Variants in DHX40 observed in about 807,000 individuals in gnomAD.
DHX40 encodes the protein DEAH-box helicase 40, also known as probable ATP-dependent RNA helicase DHX40.
Under a neutral mutation model 89.6 loss-of-function variants are expected in DHX40, and 28 were observed. That is an observed-to-expected ratio of 0.31 (90% CI 0.23 to 0.43). The LOEUF (loss-of-function observed/expected upper bound fraction) is 0.43. Among genes scored for constraint, DHX40 ranks in the 20% least tolerant of loss-of-function variants. The pLI, the probability that DHX40 is intolerant of heterozygous loss-of-function variation, is 1.00. For missense variants in DHX40, 457 were observed against 844.0 expected (o/e 0.54, Z 5.68); for synonymous variants, 226 against 283.6 (o/e 0.80, Z 2.04).
Position 59,598,950 on chromosome 17 carries a change from T to A in DHX40, c.1697+99T>A. On this transcript the variant is annotated intron_variant, in intron 13 of 17. Transcript: ENST00000251241. The stretch of plus-strand genomic sequence containing the variant: ...TTGTGACACTAACGTTCAGTGAAGA[T>A]GATATTGACTTCAAGGTATTTTGAA... The A allele has an allele frequency of 4.8e-6, 3 of 625,054 alleles. No homozygotes were observed. The South Asian group carries it at 5.6e-5, about 12-fold the overall frequency. 38.7% of individuals were successfully genotyped at this position (625,054 alleles called of 1,614,324 possible).
chr17:59,565,666 AGGTCTATGTCCC>A lies in DHX40; in HGVS notation c.-2_10del. On this transcript the variant is annotated start_lost and 5_prime_UTR_variant, in exon 1 of 18. Coordinates refer to ENST00000251241, the MANE Select transcript of DHX40 (RefSeq NM_024612.5). ...GACGTGCTCGCCTCCACTCGGGGCCAGGTCTATGTCCCGGTTTCCCGCAGTCGCGGGCAGGGC... is the reference window on the plus strand; with the variant it reads ...GACGTGCTCGCCTCCACTCGGGGCCAGGTTTCCCGCAGTCGCGGGCAGGGC... The A allele has an allele frequency of 6.3e-7, 1 of 1,599,024 alleles. No homozygotes were observed. Among genetic ancestry groups the A allele is most frequent in the Non-Finnish European group, 8.5e-7 (1 of 1,178,648 alleles).
chr17:59,607,547 A>C lies in DHX40; in HGVS notation c.*375A>C. 2.1e-6 allele frequency: 1 copy of C among 467,202 alleles called. No homozygotes were observed. The highest frequency in any genetic ancestry group is 3.8e-6 in the Non-Finnish European group (1 of 262,602). 28.9% of individuals were successfully genotyped at this position (467,202 alleles called of 1,614,324 possible). ...ACTCCATTTGCATTGAAGCATTAAA[A>C]ATTATTTTTCTTAAAATCTCTTTAA... On this transcript the variant is annotated 3_prime_UTR_variant, in exon 18 of 18. Coordinates refer to ENST00000251241, the MANE Select transcript of DHX40 (RefSeq NM_024612.5).
intron 12 of DHX40, among the ~76,000 whole-genome samples, chr17:59,597,654 G>A (rs2030175373): frequency 6.6e-6 from 1 of 151,532 alleles, no homozygotes; most frequent in African/African-American, 2.4e-5. Context: ...TCCTGGGCTT[G>A]GGCCGGGCAC....
chr17:59,565,637 G>C lies in DHX40; in HGVS notation c.-35G>C. The C allele has an allele frequency of 2.5e-6, 4 of 1,575,902 alleles. No homozygotes were observed. The highest frequency in any genetic ancestry group is 3.4e-6 in the Non-Finnish European group (4 of 1,162,814). On this transcript the variant is annotated 5_prime_UTR_variant, in exon 1 of 18. Transcript: ENST00000251241. ...CTTTCCCCTCCCATCTCCTCAGATCGGTGGACGTGCTCGCCTCCACTCGGG... is the reference window on the plus strand; with the variant it reads ...CTTTCCCCTCCCATCTCCTCAGATCCGTGGACGTGCTCGCCTCCACTCGGG...
At chr17:59,588,100 G>T (rs780689358) in intron 12 of DHX40, 47 bp downstream of exon 12, 21 of 1,604,572 alleles carry the variant, frequency 1.3e-5, no homozygotes, top group South Asian at 1.1e-5. Flanking sequence ...AATAGACTTG[G>T]CTGGGCACGG....
chr17:59,568,907 G>T (rs899679180), intron 2 of DHX40, among the ~76,000 whole-genome samples: 2 of 151,036 alleles, frequency 1.3e-5, no homozygotes, highest in Admixed American at 6.6e-5. Context: ...TTACTATGTC[G>T]CCCAGGCTGA....
chr17:59,586,924 C>T (rs1236754040), intron 11 of DHX40, among the ~76,000 whole-genome samples: 6 of 151,974 alleles, frequency 3.9e-5, no homozygotes, highest in Admixed American at 2.6e-4. Context: ...GAGGCCAAGG[C>T]GAGCAGATTG....
At chr17:59,571,823 G>C (rs1437426864) in intron 3 of DHX40, among the ~76,000 whole-genome samples, 1 of 151,882 alleles carries the variant, frequency 6.6e-6, no homozygotes, top group South Asian at 2.1e-4. Context: ...TGCCCACCTC[G>C]GCCTCCCAAA....
chr17:59,588,695 T>G (rs2049036373), intron 12 of DHX40, among the ~76,000 whole-genome samples: 2 of 152,124 alleles, frequency 1.3e-5, no homozygotes. Context: ...CAGATAGATC[T>G]TTTGTAAATA....
chr17:59,590,445 C>T (rs1327501861), intron 12 of DHX40, among the ~76,000 whole-genome samples: 2 of 149,240 alleles, frequency 1.3e-5, no homozygotes, highest in African/African-American at 2.5e-5. Flanking sequence ...AAATAGTTTG[C>T]AGTCTTTTTT....
chr17:59,596,553 G>A (rs958948465), intron 12 of DHX40, among the ~76,000 whole-genome samples: 3 of 152,182 alleles, frequency 2.0e-5, no homozygotes, highest in African/African-American at 7.2e-5. Flanking sequence ...GGGCAGCAGA[G>A]CGAGACTGTC....
At chr17:59,569,129 G>A (rs1210452168) in intron 2 of DHX40, among the ~76,000 whole-genome samples, 5 of 152,022 alleles carry the variant, frequency 3.3e-5, no homozygotes, top group Admixed American at 6.6e-5. Flanking sequence ...AGAAGTTTGC[G>A]ACCAGCCTGG....
chr17:59,569,711 C>CTATATA (rs10607665), intron 2 of DHX40, among the ~76,000 whole-genome samples: 1 of 140,676 alleles, frequency 7.1e-6, no homozygotes, highest in Non-Finnish European at 1.5e-5. Context: ...ATATATATAT[C>CTATATA]TATATATATA....
intron 8 of DHX40, among the ~76,000 whole-genome samples, chr17:59,578,001 A>G (rs1461452623): frequency 2.0e-5 from 3 of 152,208 alleles, no homozygotes; most frequent in Non-Finnish European, 4.4e-5. Flanking sequence ...AAAATTAACT[A>G]TGATTCAGGT....
rs1157848317 is a variant in DHX40, at chr17:59,570,480, C to CTAA, written c.281-37_281-35dup. The CTAA allele has an allele frequency of 1.9e-6, 3 of 1,558,020 alleles. No individual in the cohort carries two copies. In the East Asian group the frequency reaches 7.3e-5, roughly 38 times the overall value. ...TTTAGCTCTAATAGGAAGACAATTG[C>CTAA]TAACATTGTTGTGTTTCTTTATCTC... On this transcript the variant is annotated intron_variant, in intron 2 of 17. Coordinates refer to ENST00000251241, the MANE Select transcript of DHX40 (RefSeq NM_024612.5).
At chr17:59,576,868 T>G (rs1248004223) in intron 7 of DHX40, among the ~76,000 whole-genome samples, 5 of 141,988 alleles carry the variant, frequency 3.5e-5, no homozygotes, top group Non-Finnish European at 7.7e-5. Context: ...CTTGCCTCTG[T>G]TTTTTTTTTT....
In DHX40 at chr17:59,573,927, T is replaced by C. The variant is rs1273043297; in HGVS notation, c.734T>C (p.Ile245Thr). 4 of 1,596,986 alleles carry C rather than the reference T, an allele frequency of 2.5e-6. No homozygotes were observed. In the Admixed American group the frequency reaches 6.9e-5, roughly 27 times the overall value. The change falls in exon 5 of 18, where the codon ATT (isoleucine) becomes ACT (threonine). Residue 245 changes from isoleucine to threonine, a missense_variant. Ile to Thr is a moderately conservative substitution (Grantham distance 89). Around this residue, in one of 9 missense-constraint regions of DHX40, gnomAD observed 116 missense variants for 188.9 expected, o/e 0.61. Transcript: ENST00000251241. ...YPVREKFCNLIGPRDRENTAY... is the reference protein window; with the variant it reads ...YPVREKFCNLTGPRDRENTAY... ...GTCAGAGAGAAATTCTGCAATTTGA[T>C]TGGTCCACGAGACAGAGAAAATACT...
chr17:59,585,595 T>C (rs1260535884), intron 10 of DHX40, among the ~76,000 whole-genome samples: 2 of 149,082 alleles, frequency 1.3e-5, no homozygotes, highest in African/African-American at 5.1e-5. Flanking sequence ...TGGTGGCATG[T>C]GCCTGTAGTC....
chr17:59,574,132 G>A (rs1015603777), intron 5 of DHX40, 56 bp from the exon 6 acceptor site: 1 of 539,198 alleles, frequency 1.9e-6, no homozygotes, highest in African/African-American at 3.0e-5. Context: ...GGGAAGTGGT[G>A]GTAAGGGAAT....
Sources: allele counts gnomAD v4.1 joint callset (sites outside exome capture counted in the v4.1 genomes callset), GRCh38; gene constraint gnomAD v4.1.1; regional missense constraint gnomAD v4.1.1; transcripts MANE v1.5; gene names NCBI Gene and HGNC (gene_info 2026-07-23, HGNC 2026-07-21).